The following DAB1 variants were observed in gnomAD, a reference collection of about 807,000 sequenced individuals.
DAB1 encodes the protein disabled homolog 1.
DAB1 carries 15 observed loss-of-function variants against 64.6 expected under a neutral mutation model. The observed-to-expected ratio is 0.23, with a 90% CI of 0.16 to 0.36. The LOEUF (loss-of-function observed/expected upper bound fraction) is 0.36. DAB1 is among the 10% of genes least tolerant of loss of function. The probability of loss-of-function intolerance (pLI) is 1.00; values close to 1 mark genes in which losing one functional copy is unlikely to be tolerated. For missense variants in DAB1, 596 were observed against 706.7 expected (o/e 0.84, Z 1.78); for synonymous variants, 235 against 251.9 (o/e 0.93, Z 0.64).
At chr1:57,087,080 C>A (rs993385283) in intron 4 of DAB1, among the ~76,000 whole-genome samples, 1 of 152,142 alleles carries the variant, frequency 6.6e-6, no homozygotes, top group African/African-American at 2.4e-5. Flanking sequence ...CAGCAAGAAC[C>A]CTGGGCACAG....
rs376587394 is a variant in DAB1 at position 57,290,988 on chromosome 1, C to T, written c.43G>A (p.Ala15Thr). Residue 15 changes from alanine (A) to threonine (T), a missense_variant, in exon 2 of 15, where the codon GCC (alanine) becomes ACC (threonine). Physicochemically the swap from Ala to Thr is moderately conservative, Grantham distance 58. This residue lies in a region of DAB1 where 43 missense variants were observed against 39.6 expected (regional missense o/e 1.09). Transcript: ENST00000371236. The stretch of plus-strand genomic sequence containing the variant: ...CCTTTCTTTCTGGAGTCTTTCTTGG[C>T]GCTGGTTTTCACAGCTACTTGAAGT... ...TELQVAVKTS[A>T]KKDSRKKGQD... 139 of 1,611,032 alleles carry T rather than the reference C, an allele frequency of 8.6e-5. No individual in the cohort carries two copies. In the African/African-American group the frequency reaches 8.8e-4, roughly 10 times the overall value.
At chr1:57,547,059 C>G (rs1485660215) in intron 7 of DAB1, among the ~76,000 whole-genome samples, 1 of 150,888 alleles carries the variant, frequency 6.6e-6, no homozygotes, top group Non-Finnish European at 1.5e-5. Context: ...GAGTACAAAG[C>G]TAGGAAATGA....
At chr1:58,095,399 CA>C (rs1294061358) in intron 5 of DAB1, among the ~76,000 whole-genome samples, 3 of 152,212 alleles carry the variant, frequency 2.0e-5, no homozygotes, top group African/African-American at 7.2e-5. Context: ...ACAGATAAGG[CA>C]CACAGAGGTT....
At chr1:58,325,966 T>C (rs1257674124) in intron 4 of DAB1, among the ~76,000 whole-genome samples, 1 of 152,184 alleles carries the variant, frequency 6.6e-6, no homozygotes, top group Non-Finnish European at 1.5e-5. Flanking sequence ...ACTTCAGATA[T>C]GGACTCTGCC....
intron 5 of DAB1, among the ~76,000 whole-genome samples, chr1:57,959,205 A>T (rs146472675): frequency 3.9e-5 from 6 of 152,318 alleles, no homozygotes; most frequent in African/African-American, 1.4e-4. Context: ...TTCCTCTTCA[A>T]CTGAAATATG....
intron 4 of DAB1, among the ~76,000 whole-genome samples, chr1:58,296,233 GAA>G (rs1403619813): frequency 2.7e-5 from 4 of 150,656 alleles, no homozygotes; most frequent in African/African-American, 9.8e-5. Context: ...AAGAAAGAAA[GAA>G]AGAAAGAAAG....
intron 5 of DAB1, among the ~76,000 whole-genome samples, chr1:58,096,021 G>T (rs187968869): frequency 6.6e-6 from 1 of 152,178 alleles, no homozygotes. Flanking sequence ...ATTCAGCTGT[G>T]GGGTGATTGG....
At chr1:57,728,550 C>T (rs964929486) in intron 6 of DAB1, among the ~76,000 whole-genome samples, 3 of 151,558 alleles carry the variant, frequency 2.0e-5, no homozygotes, top group African/African-American at 4.9e-5. Flanking sequence ...GCCGAGATCA[C>T]GTCACCGTAC....
At chr1:58,319,765 A>G (rs1569638596) in intron 4 of DAB1, among the ~76,000 whole-genome samples, 2 of 152,240 alleles carry the variant, frequency 1.3e-5, no homozygotes, top group Admixed American at 1.3e-4. Flanking sequence ...AGTGGCTGCC[A>G]TGGTCATTCT....
chr1:57,638,525 A>G (rs1646087921), intron 7 of DAB1, among the ~76,000 whole-genome samples: 1 of 152,138 alleles, frequency 6.6e-6, no homozygotes, highest in Non-Finnish European at 1.5e-5. Context: ...TGCTGTCATC[A>G]TCATAACTCA....
In DAB1 at chr1:58,229,680, A is replaced by C. The variant is rs151246923; in HGVS notation, n.310-79092T>G. 4.6e-5 allele frequency among the ~76,000 whole-genome samples: 7 copies of C among 152,296 alleles called. No individual in the cohort carries two copies. In the East Asian group the frequency reaches 9.7e-4, roughly 21 times the overall value. ...GAGAGAACGTACTTGCAGAGGGGTC[A>C]TGGGGGGCATTTGAAGCACTGGCAA... On this transcript the variant is annotated intron_variant and non_coding_transcript_variant, in intron 4 of 20. Transcript: ENST00000485760.
At chr1:57,301,477 G>A (rs1463421455) in intron 1 of DAB1, among the ~76,000 whole-genome samples, 6 of 152,108 alleles carry the variant, frequency 3.9e-5, no homozygotes, top group African/African-American at 4.8e-5. Context: ...ACTCATCCCC[G>A]TTTCCTCCAC....
chr1:57,607,562 T>C (rs1433165983), intron 7 of DAB1, among the ~76,000 whole-genome samples: 1 of 152,244 alleles, frequency 6.6e-6, no homozygotes, highest in Non-Finnish European at 1.5e-5. Context: ...CTGTGCCCTA[T>C]GTCAGCCTCA....
chr1:57,447,859 C>T (rs1686204903), intron 7 of DAB1, among the ~76,000 whole-genome samples: 1 of 152,108 alleles, frequency 6.6e-6, no homozygotes, highest in Non-Finnish European at 1.5e-5. Context: ...TGGAGAGGTG[C>T]TAAGATTTGG....
chr1:57,722,513 C>T (rs1299924026), intron 6 of DAB1, among the ~76,000 whole-genome samples: 2 of 152,152 alleles, frequency 1.3e-5, no homozygotes, highest in African/African-American at 2.4e-5. Flanking sequence ...CTTCTCAACA[C>T]GGTATTCCCA....
At chr1:58,504,968 T>C (rs1453175388) in intron 3 of DAB1, among the ~76,000 whole-genome samples, 2 of 152,168 alleles carry the variant, frequency 1.3e-5, no homozygotes, top group African/African-American at 4.8e-5. Context: ...TTCTTTTTTT[T>C]TTTTGAGACA....
At chr1:58,335,392 G>C (rs1465751218) in intron 4 of DAB1, among the ~76,000 whole-genome samples, 1 of 152,226 alleles carries the variant, frequency 6.6e-6, no homozygotes, top group Non-Finnish European at 1.5e-5. Flanking sequence ...AGAAAAGTAA[G>C]CCCAGGAGAG....
chr1:58,428,007 G>A (rs1644837561), intron 3 of DAB1, among the ~76,000 whole-genome samples: 1 of 152,090 alleles, frequency 6.6e-6, no homozygotes, highest in Admixed American at 6.5e-5. Context: ...GGATGCTAAA[G>A]AATAAACTCA....
chr1:58,351,780 A>T (rs2100515867), intron 3 of DAB1, among the ~76,000 whole-genome samples: 1 of 150,464 alleles, frequency 6.6e-6, no homozygotes, highest in Non-Finnish European at 1.5e-5. Context: ...TAAAAGATCA[A>T]TGTTAATCTT....
Sources: gnomAD v4.1 joint callset for allele counts (sites outside exome capture counted in the v4.1 genomes callset) on GRCh38, gnomAD v4.1.1 for gene constraint, gnomAD v4.1.1 regional missense constraint, MANE v1.5 for transcripts, NCBI Gene and HGNC (gene_info 2026-07-23, HGNC 2026-07-21) for gene names.